The following TLL1 variants were observed in gnomAD, a reference collection of about 807,000 sequenced individuals.
TLL1 encodes the protein tolloid-like protein 1.
TLL1 carries 49 observed loss-of-function variants against 128.2 expected under a neutral mutation model. The ratio of observed to expected loss-of-function variants is 0.38; its 90% confidence interval spans 0.30 to 0.48. The LOEUF (loss-of-function observed/expected upper bound fraction) is 0.48, where lower values mean the gene tolerates loss of function less well. Ranked by LOEUF, TLL1 falls within the 20% of genes least tolerant of loss-of-function variation. The probability of loss-of-function intolerance (pLI) is 0.96; values close to 1 mark genes in which losing one functional copy is unlikely to be tolerated. For synonymous variants in TLL1, 454 were observed against 418.8 expected, an observed-to-expected ratio of 1.08 and a Z score of -1.03; for missense variants, 1,123 against 1,242.0, an observed-to-expected ratio of 0.90 and a Z score of 1.44.
chr4:166,045,855 G>C (rs1361527406), intron 12 of TLL1, among the ~76,000 whole-genome samples: 1 of 152,026 alleles, frequency 6.6e-6, no homozygotes, highest in Non-Finnish European at 1.5e-5. Flanking sequence ...TTGGATCTCT[G>C]CTTAATTACT....
chr4:166,015,437 T>C (rs909288365), intron 8 of TLL1, among the ~76,000 whole-genome samples: 1 of 152,040 alleles, frequency 6.6e-6, no homozygotes, highest in African/African-American at 2.4e-5. Context: ...ATCAGAGAAA[T>C]GATGGATATC....
chr4:166,077,867 T>C (rs772907481), intron 17 of TLL1, 36 bp from the exon 18 acceptor site: 39 of 1,611,858 alleles, frequency 2.4e-5, no homozygotes, highest in Admixed American at 3.3e-5. Flanking sequence ...CTGGGCTGGA[T>C]TGCCACACTG....
intron 1 of TLL1, among the ~76,000 whole-genome samples, chr4:165,880,766 G>A (rs1730936310): frequency 6.6e-6 from 1 of 152,198 alleles, no homozygotes; most frequent in Non-Finnish European, 1.5e-5. Context: ...GGGAGGCAGA[G>A]ATGGAGGGGT....
chr4:166,072,789 T>G (rs896033641), intron 16 of TLL1, among the ~76,000 whole-genome samples: 3 of 152,128 alleles, frequency 2.0e-5, no homozygotes, highest in Non-Finnish European at 4.4e-5. Flanking sequence ...CATTGTTGTA[T>G]GTTTCATGCA....
intron 1 of TLL1, among the ~76,000 whole-genome samples, chr4:165,937,029 G>T (rs1040809891): frequency 1.2e-4 from 19 of 152,080 alleles, no homozygotes; most frequent in African/African-American, 4.6e-4. Context: ...TCATTATCTT[G>T]AGTATCAGAG....
chr4:166,103,777 T>C lies in TLL1; in HGVS notation c.*2901T>C, dbSNP rs1742389912. ...ATTAAATTAATTTTTTAAATTATTT[T>C]CCACCCTACATCAGTATATTGGTTG... is the stretch of plus-strand genomic sequence containing the variant. On this transcript the variant is annotated 3_prime_UTR_variant, in exon 21 of 21. Coordinates refer to ENST00000061240, the MANE Select transcript of TLL1 (RefSeq NM_012464.5). The C allele has an allele frequency of 6.6e-6, 1 of 151,210 alleles. No homozygotes were observed. Among genetic ancestry groups the C allele is most frequent in the Admixed American group, 6.6e-5 (1 of 15,114 alleles). 9.4% of individuals were successfully genotyped at this position (151,210 alleles called of 1,614,324 possible). A position where few individuals can be genotyped will look rare whatever the true frequency, so the allele number is the denominator to read the frequency against.
rs746313654 is a variant in TLL1, at chr4:166,074,918, C to T, written c.2229C>T (p.His743=). The change falls in exon 17 of 21, where the codon CAC becomes CAT. Residue 743 remains histidine (H), a synonymous_variant. Coordinates refer to ENST00000061240, the MANE Select transcript of TLL1 (RefSeq NM_012464.5). Reference sequence around the variant, plus strand: ...CTAAGGATAATGGTGGATGTCAGCACGAATGTGTCAACACGATGGGGAGCT... The same window carrying T: ...CTAAGGATAATGGTGGATGTCAGCATGAATGTGTCAACACGATGGGGAGCT... ...ECSKDNGGCQ[H]ECVNTMGSYM... is the part of the protein sequence containing the mutation. The T allele has an allele frequency of 2.2e-5, 35 of 1,613,442 alleles. No homozygotes were observed. Among genetic ancestry groups the T allele is most frequent in the Middle Eastern group, 1.6e-4 (1 of 6,080 alleles).
At chr4:165,978,558 T>G (rs1231294188) in intron 1 of TLL1, among the ~76,000 whole-genome samples, 2 of 152,180 alleles carry the variant, frequency 1.3e-5, no homozygotes, top group Admixed American at 1.3e-4. Context: ...AAAAGTTTAC[T>G]TTTTAAAATT....
intron 1 of TLL1, among the ~76,000 whole-genome samples, chr4:165,979,128 T>C (rs1009102372): frequency 6.6e-5 from 10 of 152,158 alleles, no homozygotes; most frequent in African/African-American, 2.2e-4. Flanking sequence ...ATTCAAATTC[T>C]AGGCAATTTC....
chr4:165,953,564 T>G (rs1734631636), intron 1 of TLL1, among the ~76,000 whole-genome samples: 1 of 59,056 alleles, frequency 1.7e-5, no homozygotes, highest in Non-Finnish European at 3.0e-5. Flanking sequence ...CTTTTTCATT[T>G]AGAAAAAAAA....
chr4:165,933,747 G>A (rs1283216190), intron 1 of TLL1, among the ~76,000 whole-genome samples: 2 of 151,990 alleles, frequency 1.3e-5, no homozygotes, highest in Non-Finnish European at 2.9e-5. Context: ...GAGCAGGTCC[G>A]CTCCACAGAC....
At chr4:165,880,975 G>A (rs954898722) in intron 1 of TLL1, among the ~76,000 whole-genome samples, 1 of 152,146 alleles carries the variant, frequency 6.6e-6, no homozygotes, top group African/African-American at 2.4e-5. Context: ...TTAAGTGTTG[G>A]AAACCACCTT....
At chr4:166,073,374 T>C (rs1370715748) in intron 16 of TLL1, among the ~76,000 whole-genome samples, 1 of 152,150 alleles carries the variant, frequency 6.6e-6, no homozygotes, top group Non-Finnish European at 1.5e-5. Context: ...GAGTTCAAAA[T>C]TATGGTAAAT....
chr4:165,937,521 A>G (rs897102086), intron 1 of TLL1, among the ~76,000 whole-genome samples: 27 of 152,174 alleles, frequency 1.8e-4, no homozygotes, highest in East Asian at 1.9e-4. Context: ...CAGAGCTTAT[A>G]GCTGTCACAT....
At chr4:165,924,663 G>A (rs28826088) in intron 1 of TLL1, among the ~76,000 whole-genome samples, 33,444 of 152,114 alleles carry the variant, frequency 0.22, 6,075 homozygotes, top group African/African-American at 0.48. Context: ...ATCATTGATG[G>A]AGGTGGCCAC....
At chr4:165,923,369 T>C (rs1733122418) in intron 1 of TLL1, among the ~76,000 whole-genome samples, 1 of 150,106 alleles carries the variant, frequency 6.7e-6, no homozygotes, top group African/African-American at 2.4e-5. Context: ...AATAAAGTAA[T>C]ATTGTAGTAA....
At chr4:165,894,098 G>C (rs1426918668) in intron 1 of TLL1, among the ~76,000 whole-genome samples, 2 of 152,142 alleles carry the variant, frequency 1.3e-5, no homozygotes, top group East Asian at 3.9e-4. Context: ...TTGCTGGAGA[G>C]GGGATAGATT....
At chr4:166,077,753 C>T in intron 17 of TLL1, 150 bp from the exon 18 acceptor site, 1 of 962,474 alleles carries the variant, frequency 1.0e-6, no homozygotes, top group Non-Finnish European at 1.6e-6. Context: ...TTTTCCAGAG[C>T]AGATGAATAT....
At position 166,083,591 on chromosome 4, in the gene TLL1, CTTT is replaced by C. The variant is rs1281845104; in HGVS notation, c.2442+5562_2442+5564del. Among the ~76,000 whole-genome samples, 5 of 123,098 alleles carry C rather than the reference CTTT, an allele frequency of 4.1e-5. 1 individual carries two copies. Among genetic ancestry groups the C allele is most frequent in the African/African-American group, 7.5e-5 (3 of 39,836 alleles). 80.8% of individuals were successfully genotyped at this position (123,098 alleles called of 152,430 possible). A position where few individuals can be genotyped will look rare whatever the true frequency, so the allele number is the denominator to read the frequency against. ...GTCAACACCATTCAACTCTCTGCTT[CTTT>C]AAGTTTGATCATTTTAGATTCCACA... On this transcript the variant is annotated intron_variant, in intron 18 of 20. Transcript: ENST00000061240.
Sources: allele counts gnomAD v4.1 joint callset (sites outside exome capture counted in the v4.1 genomes callset), GRCh38; gene constraint gnomAD v4.1.1; transcripts MANE v1.5; gene names NCBI Gene and HGNC (gene_info 2026-07-23, HGNC 2026-07-21).